Variants in RTN4 observed in about 807,000 individuals in gnomAD.
RTN4 encodes the protein reticulon 4.
RTN4 carries 32 observed loss-of-function variants against 90.4 expected under a neutral mutation model. That is an observed-to-expected ratio of 0.35 (90% CI 0.27 to 0.48). The LOEUF is 0.48. RTN4 is among the 20% of genes least tolerant of loss of function. The pLI, the probability that RTN4 is intolerant of heterozygous loss-of-function variation, is 0.99. For missense variants in RTN4, 1,706 were observed against 1,430.2 expected, an observed-to-expected ratio of 1.19 and a Z score of -3.11; for synonymous variants, 629 against 552.5, an observed-to-expected ratio of 1.14 and a Z score of -1.94.
chr2:55,109,444 A>G (rs900833783), intron 1 of RTN4, among the ~76,000 whole-genome samples: 4 of 152,188 alleles, frequency 2.6e-5, no homozygotes, highest in Admixed American at 2.6e-4. Flanking sequence ...CTTCCACTCT[A>G]TAGAAAAACC....
At chr2:55,122,079 C>T in the RTN4 span, among the ~76,000 whole-genome samples, 1 of 151,946 alleles carries the variant, frequency 6.6e-6, no homozygotes, top group South Asian at 2.1e-4. Context: ...CTCACTGCAG[C>T]CTCAACCTCC....
At chr2:55,001,770 C>T (rs1036387236) in intron 3 of RTN4, among the ~76,000 whole-genome samples, 3 of 152,162 alleles carry the variant, frequency 2.0e-5, no homozygotes, top group African/African-American at 7.2e-5. Context: ...CAGGAAAGTA[C>T]ATTTTTAAAC....
intron 2 of RTN4, among the ~76,000 whole-genome samples, chr2:55,067,231 A>T (rs186667760): frequency 6.6e-6 from 1 of 152,264 alleles, no homozygotes; most frequent in Admixed American, 6.5e-5. Flanking sequence ...CTTCAGTATA[A>T]GATAAAGAAT....
At chr2:55,016,665 C>A (rs190818411) in intron 3 of RTN4, among the ~76,000 whole-genome samples, 1 of 152,248 alleles carries the variant, frequency 6.6e-6, no homozygotes, top group East Asian at 1.9e-4. Flanking sequence ...TTGATTATGT[C>A]TGGGTAATAT....
intron 5 of RTN4, among the ~76,000 whole-genome samples, chr2:54,979,168 T>C (rs1423383401): frequency 1.3e-5 from 2 of 151,952 alleles, no homozygotes; most frequent in Non-Finnish European, 2.9e-5. Flanking sequence ...TCCTCTTGCC[T>C]CAGCCTCCCA....
chr2:55,132,995 T>C, the RTN4 span, among the ~76,000 whole-genome samples: 2 of 152,070 alleles, frequency 1.3e-5, no homozygotes, highest in Admixed American at 6.5e-5. Context: ...GTGGATCACT[T>C]GAAGCCAGGA....
At chr2:55,117,454 C>T (rs900027430), upstream of RTN4, among the ~76,000 whole-genome samples, 12 of 152,200 alleles carry the variant, frequency 7.9e-5, no homozygotes, top group Non-Finnish European at 1.6e-4. Context: ...AATCCTGACT[C>T]GGCAGCATCC....
At chr2:55,121,995 CT>C in the RTN4 span, among the ~76,000 whole-genome samples, 1 of 151,814 alleles carries the variant, frequency 6.6e-6, no homozygotes, top group Non-Finnish European at 1.5e-5. Flanking sequence ...TCTGTATTTT[CT>C]TTTTTCTTTT....
intron 1 of RTN4, among the ~76,000 whole-genome samples, chr2:55,097,954 C>G (rs1667778539): frequency 6.6e-6 from 1 of 152,078 alleles, no homozygotes; most frequent in African/African-American, 2.4e-5. Flanking sequence ...CGCCCCTCCT[C>G]ATCAACCTTC....
chr2:54,977,401 A>G (rs11899197), intron 5 of RTN4, among the ~76,000 whole-genome samples: 5,861 of 102,864 alleles, frequency 0.057, 397 homozygotes, highest in African/African-American at 0.2. Flanking sequence ...TCTGGAGCTC[A>G]GGCCGTTTTT....
chr2:55,036,146 C>A (rs1007214775), intron 1 of RTN4, among the ~76,000 whole-genome samples: 21 of 152,084 alleles, frequency 1.4e-4, no homozygotes, highest in African/African-American at 4.8e-4. Flanking sequence ...AAGGATATAA[C>A]ACGAAAATTA....
intron 3 of RTN4, among the ~76,000 whole-genome samples, chr2:54,994,781 A>C (rs948660315): frequency 6.6e-5 from 10 of 152,250 alleles, no homozygotes; most frequent in African/African-American, 2.4e-4. Flanking sequence ...CTATTTAAAG[A>C]TAACATGATC....
intron 3 of RTN4, among the ~76,000 whole-genome samples, chr2:54,991,483 G>T (rs1025552250): frequency 4.6e-5 from 7 of 152,158 alleles, no homozygotes; most frequent in African/African-American, 1.7e-4. Flanking sequence ...GCAATTGTGT[G>T]ATTTTGGATA....
rs556260690 is a variant in RTN4 at position 55,063,598 on chromosome 2, G to A, written c.-63+16891C>T. ...CACTGAATTATGTTTTAGTTATTCT[G>A]GGCCCGACGCAGTGGCTCACACCTG... On this transcript the variant is annotated intron_variant, in intron 2 of 3. Coordinates refer to the RTN4 transcript ENST00000427710. 9.9e-5 allele frequency among the ~76,000 whole-genome samples: 15 copies of A among 152,164 alleles called. No individual in the cohort carries two copies. The East Asian group carries it at 2.7e-3, about 27-fold the overall frequency.
At chr2:54,989,743 G>C (rs1343042010) in intron 3 of RTN4, among the ~76,000 whole-genome samples, 1 of 152,112 alleles carries the variant, frequency 6.6e-6, no homozygotes, top group African/African-American at 2.4e-5. Context: ...ACTCAGAAAA[G>C]GGAAAAACTG....
intron 1 of RTN4, among the ~76,000 whole-genome samples, chr2:55,109,341 T>C (rs1667996519): frequency 6.6e-6 from 1 of 152,166 alleles, no homozygotes; most frequent in Admixed American, 6.5e-5. Flanking sequence ...TCAATGCTGA[T>C]AATAAATTGC....
chr2:55,080,596 T>C (rs1353626900), exon 2 of RTN4: 2 of 152,212 alleles, frequency 1.3e-5, no homozygotes, highest in Non-Finnish European at 2.9e-5. Context: ...TTCCTCAGTG[T>C]TACTCATATC....
chr2:54,973,940 TA>T, intron 6 of RTN4, 73 bp from the exon 7 acceptor site: 1 of 1,307,368 alleles, frequency 7.6e-7, no homozygotes, highest in South Asian at 1.3e-5. Context: ...AAAAAACTAT[TA>T]AACTGGCAAC....
chr2:55,055,751 CAG>C (rs1353065527), upstream of RTN4, among the ~76,000 whole-genome samples: 25 of 145,462 alleles, frequency 1.7e-4, no homozygotes, highest in South Asian at 4.0e-3. Context: ...GCCTGGGCAA[CAG>C]AGCGAGACTC....
Sources: allele counts gnomAD v4.1 joint callset (sites outside exome capture counted in the v4.1 genomes callset), GRCh38; gene constraint gnomAD v4.1.1; transcripts MANE v1.5; gene names NCBI Gene and HGNC (gene_info 2026-07-23, HGNC 2026-07-21).